Variants in KIF13A observed in about 807,000 individuals in gnomAD.
KIF13A encodes the protein kinesin-like protein KIF13A.
KIF13A carries 79 observed loss-of-function variants against 212.2 expected under a neutral mutation model. That is an observed-to-expected ratio of 0.37 (90% CI 0.31 to 0.45). The LOEUF is 0.45. Ranked by LOEUF, KIF13A falls within the 20% of genes least tolerant of loss-of-function variation. The probability of loss-of-function intolerance (pLI) is 1.00; values close to 1 mark genes in which losing one functional copy is unlikely to be tolerated. For synonymous variants in KIF13A, 789 were observed against 808.6 expected, an observed-to-expected ratio of 0.98 and a Z score of 0.41; for missense variants, 1,901 against 2,209.0, an observed-to-expected ratio of 0.86 and a Z score of 2.79.
Position 17,804,437 on chromosome 6 carries a change from G to C in KIF13A, c.2378C>G (p.Ala793Gly). The C allele has an allele frequency of 1.9e-6, 3 of 1,576,990 alleles. No homozygotes were observed. The South Asian group carries it at 3.5e-5, about 18-fold the overall frequency. ...AQENHNLIGV[A>G]NVFLECLFCD... is the part of the protein sequence containing the mutation. Reference sequence around the variant, plus strand: ...GAAGAGGCATTCCAAGAATACATTCGCCACCCCGATGAGGTTGTGATTTTC... The same window carrying C: ...GAAGAGGCATTCCAAGAATACATTCCCCACCCCGATGAGGTTGTGATTTTC... Residue 793 changes from alanine (A) to glycine (G), a missense_variant, in exon 20 of 39, where the codon GCG (alanine) becomes GGG (glycine). Ala to Gly is a moderately conservative substitution (Grantham distance 60). This residue lies in a region of KIF13A where 534 missense variants were observed against 536.9 expected (regional missense o/e 0.99). Transcript: ENST00000259711.
In KIF13A at chr6:17,886,162, T is replaced by G. The variant is rs1561721026; in HGVS notation, c.159+12006A>C. Among the ~76,000 whole-genome samples, 1 of 152,154 alleles carries G rather than the reference T, an allele frequency of 6.6e-6. No individual in the cohort carries two copies. The highest frequency in any genetic ancestry group is 1.5e-5 in the Non-Finnish European group (1 of 68,022). On this transcript the variant is annotated intron_variant, in intron 3 of 38. Coordinates refer to ENST00000259711, the MANE Select transcript of KIF13A (RefSeq NM_022113.6). The surrounding 1 kb of genome is among the most constrained non-coding windows in gnomAD (Gnocchi z 5.6). ...ATGAGAAGAAAAATAAAACCTAGAT[T>G]AAATCTGAGTCATGCTAATATCACC...
chr6:17,981,834 G>GT (rs1233814312), intron 2 of KIF13A, among the ~76,000 whole-genome samples: 2 of 152,144 alleles, frequency 1.3e-5, no homozygotes, highest in Non-Finnish European at 2.9e-5. Flanking sequence ...ATAATGTGGA[G>GT]TATTACTGCT....
intron 4 of KIF13A, among the ~76,000 whole-genome samples, chr6:17,866,217 T>C (rs1375990929): frequency 6.6e-6 from 1 of 152,168 alleles, no homozygotes; most frequent in African/African-American, 2.4e-5. Context: ...CTCTTCTGGA[T>C]TGTGGGCTGC....
chr6:17,955,614 T>A (rs943907360), intron 2 of KIF13A, among the ~76,000 whole-genome samples: 1 of 152,232 alleles, frequency 6.6e-6, no homozygotes, highest in Non-Finnish European at 1.5e-5. Flanking sequence ...ATTTGTCTTA[T>A]TTAAGAACAG....
chr6:17,820,469 T>C (rs1764335083), intron 16 of KIF13A, among the ~76,000 whole-genome samples: 1 of 152,210 alleles, frequency 6.6e-6, no homozygotes, highest in African/African-American at 2.4e-5. Flanking sequence ...TTCAAGTCTT[T>C]ACCCCACACA....
At chr6:17,836,484 T>C (rs1036416449) in intron 11 of KIF13A, among the ~76,000 whole-genome samples, 4 of 152,250 alleles carry the variant, frequency 2.6e-5, no homozygotes, top group Non-Finnish European at 5.9e-5. Flanking sequence ...ATGTTGGTCC[T>C]CACAATGCTT....
downstream of KIF13A, chr6:17,760,861 C>T (rs758642501): frequency 2.4e-5 from 38 of 1,613,670 alleles, no homozygotes; most frequent in Admixed American, 4.5e-4. Context: ...CTGCTCTCAC[C>T]GTGAGGTTGT....
intron 13 of KIF13A, among the ~76,000 whole-genome samples, chr6:17,830,386 C>T (rs938384981): frequency 2.0e-5 from 3 of 152,160 alleles, no homozygotes; most frequent in Non-Finnish European, 4.4e-5. Flanking sequence ...TTAAAATGTT[C>T]TCAGTCTTAG....
chr6:17,901,381 AATCTTC>A (rs1419346268), intron 2 of KIF13A, among the ~76,000 whole-genome samples: 9 of 152,172 alleles, frequency 5.9e-5, no homozygotes, highest in Non-Finnish European at 1.3e-4. Flanking sequence ...ATATTATCTT[AATCTTC>A]ATCGCTTTCA....
In KIF13A at chr6:17,984,580, CATCT is replaced by C. The variant is rs749668483; in HGVS notation, c.146+2470_146+2473del. 2.2e-4 allele frequency: 218 copies of C among 976,544 alleles called. No individual in the cohort carries two copies. The highest frequency in any genetic ancestry group is 2.6e-4 in the Non-Finnish European group (212 of 822,246). 60.5% of individuals were successfully genotyped at this position (976,544 alleles called of 1,614,324 possible). ...ATGGGGAAACAATGAAAGCTGACCC[CATCT>C]GTTTTTTTTTTTTTTCCCTGGACGT... On this transcript the variant is annotated intron_variant, in intron 2 of 38. Transcript: ENST00000259711. This position sits in a 1 kb window ranked among gnomAD's most constrained non-coding sequence, Gnocchi z 5.0.
chr6:17,816,919 CTT>C lies in KIF13A; in HGVS notation c.2000+99_2000+100del. On this transcript the variant is annotated intron_variant, in intron 17 of 38. Transcript: ENST00000259711. The surrounding 1 kb of genome is among the most constrained non-coding windows in gnomAD (Gnocchi z 4.3). ...TATCACGTATGGGATTAAGAGTTCT[CTT>C]GTTGCTAGGTTTGTCCCTGACATGT... 1.2e-6 allele frequency: 1 copy of C among 855,360 alleles called. No homozygotes were observed. The highest frequency in any genetic ancestry group is 1.8e-6 in the Non-Finnish European group (1 of 561,046). The allele number at this position is 855,360 out of a possible 1,614,324, so 53.0% of individuals were successfully genotyped here. A position where few individuals can be genotyped will look rare whatever the true frequency, so the allele number is the denominator to read the frequency against.
At chr6:17,865,140 TAAGCATGGTG>T (rs762658395) in intron 4 of KIF13A, among the ~76,000 whole-genome samples, 7 of 152,156 alleles carry the variant, frequency 4.6e-5, no homozygotes, top group Non-Finnish European at 1.0e-4. Context: ...AATAAAACAC[TAAGCATGGTG>T]ATGCACAGAT....
intron 4 of KIF13A, among the ~76,000 whole-genome samples, chr6:17,863,207 A>G (rs1385430377): frequency 6.6e-6 from 1 of 152,162 alleles, no homozygotes; most frequent in East Asian, 1.9e-4. Context: ...AAAAAATATT[A>G]CCGACCAAAT....
chr6:17,921,201 A>G (rs1032976327), intron 2 of KIF13A, among the ~76,000 whole-genome samples: 11 of 152,192 alleles, frequency 7.2e-5, no homozygotes, highest in Non-Finnish European at 1.3e-4. Context: ...CCCCAACTTA[A>G]AAATTCCCAA....
intron 2 of KIF13A, among the ~76,000 whole-genome samples, chr6:17,907,387 G>A (rs1447103765): frequency 6.6e-6 from 1 of 152,140 alleles, no homozygotes; most frequent in Non-Finnish European, 1.5e-5. Context: ...CTTAGGCTAG[G>A]TATTGATTGG....
chr6:17,850,486 T>A lies in KIF13A; in HGVS notation c.583-29A>T. ...GGGGCAAAGCATAAGGAAAAGACCA[T>A]AAGCAAAAACACAAGAATGTAGTCC... is the stretch of plus-strand genomic sequence containing the variant. On this transcript the variant is annotated intron_variant, in intron 7 of 38. Coordinates refer to ENST00000259711, the MANE Select transcript of KIF13A (RefSeq NM_022113.6). The surrounding 1 kb of genome is among the most constrained non-coding windows in gnomAD (Gnocchi z 6.2). The A allele has an allele frequency of 6.3e-7, 1 of 1,592,120 alleles. No homozygotes were observed.
intron 17 of KIF13A, among the ~76,000 whole-genome samples, chr6:17,810,433 T>C (rs1763332513): frequency 1.3e-5 from 2 of 152,200 alleles, no homozygotes; most frequent in Admixed American, 1.3e-4. Flanking sequence ...TGAACTTAAT[T>C]TTCCCTACTC....
chr6:17,902,404 C>T (rs140589388), intron 2 of KIF13A, among the ~76,000 whole-genome samples: 14 of 152,232 alleles, frequency 9.2e-5, no homozygotes, highest in African/African-American at 2.9e-4. Context: ...ATTCTAGGTT[C>T]CAGGATTTGG....
At chr6:17,845,948 G>A (rs1402981663) in intron 9 of KIF13A, among the ~76,000 whole-genome samples, 1 of 151,266 alleles carries the variant, frequency 6.6e-6, no homozygotes, top group Non-Finnish European at 1.5e-5. Flanking sequence ...TGCTTAAGAG[G>A]ATTATTAATG....
Sources: gnomAD v4.1 joint callset for allele counts (sites outside exome capture counted in the v4.1 genomes callset) on GRCh38, gnomAD v4.1.1 for gene constraint, gnomAD v4.1.1 regional missense constraint, Gnocchi (gnomAD v3.1) non-coding constraint, MANE v1.5 for transcripts, NCBI Gene and HGNC (gene_info 2026-07-23, HGNC 2026-07-21) for gene names.